Variants in DLGAP2 observed in about 807,000 individuals in gnomAD.
DLGAP2 encodes the protein DLG associated protein 2.
A neutral mutation model predicts 100.3 loss-of-function variants in DLGAP2; 26 were observed. The observed-to-expected ratio is 0.26, with a 90% CI of 0.19 to 0.36. The LOEUF (loss-of-function observed/expected upper bound fraction) is 0.36. Among genes scored for constraint, DLGAP2 ranks in the 10% least tolerant of loss-of-function variants. The probability of loss-of-function intolerance (pLI) is 1.00; values close to 1 mark genes in which losing one functional copy is unlikely to be tolerated. For missense variants in DLGAP2, 1,858 were observed against 1,453.2 expected, an observed-to-expected ratio of 1.28 and a Z score of -4.53; for synonymous variants, 886 against 630.1, an observed-to-expected ratio of 1.41 and a Z score of -6.08.
intron 1 of DLGAP2, among the ~76,000 whole-genome samples, chr8:895,012 A>AGTG (rs1798117374): frequency 8.2e-5 from 1 of 12,128 alleles, no homozygotes; most frequent in Admixed American, 8.0e-4. Flanking sequence ...CTGGCAGGGC[A>AGTG]GGGTGGGGGA....
At position 1,128,973 on chromosome 8, in the gene DLGAP2, T is replaced by C. The variant is rs1220522440; in HGVS notation, c.74-129878T>C. ...TCTCAGGACACTGGCAAGCTGACGC[T>C]CCCCACAGGAACTTACAATTCTTTG... On this transcript the variant is annotated intron_variant, in intron 2 of 14. Transcript: ENST00000637795. 2.0e-5 allele frequency among the ~76,000 whole-genome samples: 3 copies of C among 152,284 alleles called. No homozygotes were observed. The South Asian group carries it at 6.2e-4, about 32-fold the overall frequency.
intron 8 of DLGAP2, among the ~76,000 whole-genome samples, chr8:1,655,494 T>G (rs993823184): frequency 2.0e-5 from 3 of 152,228 alleles, no homozygotes; most frequent in Non-Finnish European, 2.9e-5. Context: ...TATTTGTGCC[T>G]TATACGATGG....
chr8:1,635,788 A>T (rs1797751752), intron 8 of DLGAP2, among the ~76,000 whole-genome samples: 1 of 152,376 alleles, frequency 6.6e-6, no homozygotes, highest in East Asian at 1.9e-4. Flanking sequence ...AGATGTATTG[A>T]GAACTTAAAA....
intron 7 of DLGAP2, among the ~76,000 whole-genome samples, chr8:1,628,799 G>A (rs759432006): frequency 2.6e-5 from 4 of 152,150 alleles, no homozygotes; most frequent in African/African-American, 4.8e-5. Context: ...GGGATTAAGA[G>A]CCTGAGCCGA....
In DLGAP2 at chr8:1,282,544, C is replaced by T. The variant is rs1299003274; in HGVS notation, c.106+23661C>T. 5.2e-5 allele frequency among the ~76,000 whole-genome samples: 6 copies of T among 115,858 alleles called. 1 individual carries two copies. The highest frequency in any genetic ancestry group is 3.0e-4 in the South Asian group (1 of 3,358). The allele number at this position is 115,858 out of a possible 152,430, so 76.0% of individuals were successfully genotyped here. A position where few individuals can be genotyped will look rare whatever the true frequency, so the allele number is the denominator to read the frequency against. ...CCTGAACCCAGCACCCTGAACCATC[C>T]GGACATGGTGTGACCTGAACCCAGC... On this transcript the variant is annotated intron_variant, in intron 3 of 14. Coordinates refer to ENST00000637795, the MANE Select transcript of DLGAP2 (RefSeq NM_001346810.2).
At chr8:851,585 A>T (rs928837617) in intron 1 of DLGAP2, among the ~76,000 whole-genome samples, 1 of 152,224 alleles carries the variant, frequency 6.6e-6, no homozygotes, top group Non-Finnish European at 1.5e-5. Context: ...TTCTGAGATT[A>T]GTTCCTGGGA....
intron 1 of DLGAP2, among the ~76,000 whole-genome samples, chr8:795,700 G>A (rs1465551953): frequency 6.7e-6 from 1 of 148,394 alleles, no homozygotes; most frequent in Admixed American, 6.7e-5. Context: ...GTGAGAGCAG[G>A]CGTCCAGTGA....
chr8:1,539,227 T>A lies in DLGAP2; in HGVS notation c.173-9399T>A, dbSNP rs561655471. On this transcript the variant is annotated intron_variant, in intron 4 of 14. Transcript: ENST00000637795. ...TCGTTTGTTTTCATAACTAACAGCA[T>A]GTCCACCAACAGACTCTGAGAGAGC... Among the ~76,000 whole-genome samples, 41 of 152,322 alleles carry A rather than the reference T, an allele frequency of 2.7e-4. No homozygotes were observed. The South Asian group carries it at 8.3e-3, about 31-fold the overall frequency.
At chr8:1,421,121 A>C (rs925508590) in intron 3 of DLGAP2, among the ~76,000 whole-genome samples, 1 of 152,178 alleles carries the variant, frequency 6.6e-6, no homozygotes, top group African/African-American at 2.4e-5. Flanking sequence ...AACTTATCCA[A>C]AGTATGTTTT....
intron 2 of DLGAP2, among the ~76,000 whole-genome samples, chr8:1,082,463 G>C (rs530716469): frequency 6.6e-6 from 1 of 152,274 alleles, no homozygotes; most frequent in Admixed American, 6.5e-5. Flanking sequence ...GTCCACATTG[G>C]GGGTGCCGTG....
In DLGAP2 at chr8:1,344,394, G is replaced by T. The variant is rs75220636; in HGVS notation, c.106+85511G>T. ...GCTGTGAATCCTCCAGAGAGGTCTA[G>T]TGTCACTTTCTCTGAGCAGCTGCTC... On this transcript the variant is annotated intron_variant, in intron 3 of 14. Transcript: ENST00000637795. Among the ~76,000 whole-genome samples the T allele has an allele frequency of 3.3e-3, 502 of 152,332 alleles. 3 individuals are homozygous for T. The highest frequency in any genetic ancestry group is 0.011 in the African/African-American group (478 of 41,576).
At chr8:1,328,949 C>CT in intron 3 of DLGAP2, among the ~76,000 whole-genome samples, 1 of 152,316 alleles carries the variant, frequency 6.6e-6, no homozygotes, top group East Asian at 1.9e-4. Flanking sequence ...CACTAACACT[C>CT]TGAGTAGCTG....
intron 2 of DLGAP2, among the ~76,000 whole-genome samples, chr8:1,040,799 G>T (rs951522556): frequency 6.6e-6 from 1 of 152,198 alleles, no homozygotes; most frequent in Admixed American, 6.5e-5. Flanking sequence ...GATCCAGCAG[G>T]AGCGCAGAGT....
chr8:1,037,864 C>T (rs577425397), intron 2 of DLGAP2, among the ~76,000 whole-genome samples: 5 of 152,212 alleles, frequency 3.3e-5, no homozygotes, highest in Admixed American at 1.3e-4. Context: ...GACAGCCGGT[C>T]TCTCCACAAT....
chr8:1,096,463 G>A (rs1804369895), intron 2 of DLGAP2, among the ~76,000 whole-genome samples: 1 of 152,234 alleles, frequency 6.6e-6, no homozygotes, highest in African/African-American at 2.4e-5. Context: ...CCCAGCGTGA[G>A]AACTACCTCC....
Position 1,509,256 on chromosome 8 carries a change from C to T in DLGAP2, c.172+7825C>T, listed in dbSNP as rs557918796. On this transcript the variant is annotated intron_variant, in intron 4 of 14. Coordinates refer to ENST00000637795, the MANE Select transcript of DLGAP2 (RefSeq NM_001346810.2). Reference sequence around the variant, plus strand: ...TGAGGCGGAAGAATTGCTTGAACCCCGGAGGCAGAGATTGCAGTGAGCTGA... The same window carrying T: ...TGAGGCGGAAGAATTGCTTGAACCCTGGAGGCAGAGATTGCAGTGAGCTGA... Among the ~76,000 whole-genome samples, 4 of 151,074 alleles carry T rather than the reference C, an allele frequency of 2.6e-5. No homozygotes were observed. In the East Asian group the frequency reaches 5.9e-4, roughly 22 times the overall value.
At chr8:1,381,791 G>GTT (rs1199976342) in intron 3 of DLGAP2, among the ~76,000 whole-genome samples, 1 of 116,742 alleles carries the variant, frequency 8.6e-6, no homozygotes, top group Non-Finnish European at 1.6e-5. Context: ...TAGTGTGTGT[G>GTT]TGTGTGTGTG....
chr8:1,037,410 CTG>C (rs1394351654), intron 2 of DLGAP2, among the ~76,000 whole-genome samples: 1 of 152,166 alleles, frequency 6.6e-6, no homozygotes, highest in Admixed American at 6.5e-5. Flanking sequence ...TTGACTCAGA[CTG>C]TGAAGGGGCC....
At chr8:1,334,710 C>T (rs1307528534) in intron 3 of DLGAP2, among the ~76,000 whole-genome samples, 1 of 152,114 alleles carries the variant, frequency 6.6e-6, no homozygotes, top group Non-Finnish European at 1.5e-5. Flanking sequence ...CCACAGCAGC[C>T]AGGCCGTGTG....
Sources: gnomAD v4.1 joint callset for allele counts (sites outside exome capture counted in the v4.1 genomes callset) on GRCh38, gnomAD v4.1.1 for gene constraint, MANE v1.5 for transcripts, NCBI Gene and HGNC (gene_info 2026-07-23, HGNC 2026-07-21) for gene names.